The following MYO1D variants were observed in gnomAD, a reference collection of about 807,000 sequenced individuals.
The protein encoded by MYO1D is myosin ID.
MYO1D carries 83 observed loss-of-function variants against 122.0 expected under a neutral mutation model. That is an observed-to-expected ratio of 0.68 (90% CI 0.57 to 0.82). MYO1D has a LOEUF of 0.82. Ranked by LOEUF, MYO1D falls within the 40% of genes least tolerant of loss-of-function variation. The pLI, the probability that MYO1D is intolerant of heterozygous loss-of-function variation, is 0.00. For synonymous variants in MYO1D, 464 were observed against 446.9 expected (o/e 1.04, Z -0.48); for missense variants, 1,157 against 1,269.5 (o/e 0.91, Z 1.35).
intron 21 of MYO1D, among the ~76,000 whole-genome samples, chr17:32,555,341 T>C (rs976840967): frequency 1.3e-5 from 2 of 152,078 alleles, no homozygotes; most frequent in Non-Finnish European, 2.9e-5. Context: ...GAAATCACAA[T>C]TATAAGATAG....
chr17:32,573,468 C>T (rs2087249350), intron 21 of MYO1D, among the ~76,000 whole-genome samples: 1 of 151,968 alleles, frequency 6.6e-6, no homozygotes, highest in South Asian at 2.1e-4. Flanking sequence ...AATATATCCT[C>T]AGGAAACTTC....
rs113153925 is a variant in MYO1D, at chr17:32,548,429, G to GAAA, written c.2865-53517_2865-53515dup. ...GGTGACAGAGCGAGACCTGTCTCAA[G>GAAA]AAAAAAAAAAAAAAGTTTATCCTCT... On this transcript the variant is annotated intron_variant, in intron 21 of 21. Transcript: ENST00000318217. Among the ~76,000 whole-genome samples, 428 of 132,276 alleles carry GAAA rather than the reference G, an allele frequency of 3.2e-3. 3 individuals are homozygous for GAAA. The highest frequency in any genetic ancestry group is 9.5e-3 in the African/African-American group (344 of 36,244). The allele number at this position is 132,276 out of a possible 152,430, so 86.8% of individuals were successfully genotyped here.
chr17:32,704,079 C>A (rs1184180582), intron 16 of MYO1D, among the ~76,000 whole-genome samples: 1 of 152,206 alleles, frequency 6.6e-6, no homozygotes, highest in African/African-American at 2.4e-5. Context: ...TTACTGATTT[C>A]TTAGCACCTC....
intron 21 of MYO1D, among the ~76,000 whole-genome samples, chr17:32,536,206 T>C (rs371975761): frequency 3.5e-4 from 53 of 152,164 alleles, no homozygotes; most frequent in African/African-American, 1.3e-3. Context: ...GGCTAATCTT[T>C]GTATTTTTAG....
chr17:32,863,819 T>A (rs1013854878), intron 1 of MYO1D, among the ~76,000 whole-genome samples: 2 of 152,148 alleles, frequency 1.3e-5, no homozygotes, highest in Non-Finnish European at 2.9e-5. Context: ...AATCTTGTAG[T>A]GCAGAAATCA....
At position 32,731,155 on chromosome 17, in the gene MYO1D, C is replaced by T. The variant is rs147469352; in HGVS notation, c.1746+7098G>A. Among the ~76,000 whole-genome samples the T allele has an allele frequency of 2.8e-3, 430 of 152,296 alleles. 2 individuals carry two copies. The highest frequency in any genetic ancestry group is 1.0e-2 in the African/African-American group (415 of 41,564). ...ATCTCCTGACCTTGTGATCTGCTCG[C>T]CTCGGCCTCCCAAAGTGCTGGGATT... On this transcript the variant is annotated intron_variant, in intron 14 of 21. Coordinates refer to ENST00000318217, the MANE Select transcript of MYO1D (RefSeq NM_015194.3).
At chr17:32,663,861 A>G (rs778229672) in intron 16 of MYO1D, among the ~76,000 whole-genome samples, 4 of 152,188 alleles carry the variant, frequency 2.6e-5, no homozygotes, top group Non-Finnish European at 4.4e-5. Context: ...CTTCTCTTTG[A>G]AGAACATATC....
intron 20 of MYO1D, among the ~76,000 whole-genome samples, chr17:32,612,004 T>C (rs2087708199): frequency 6.6e-6 from 1 of 152,096 alleles, no homozygotes; most frequent in Non-Finnish European, 1.5e-5. Context: ...AAAAAGAGAA[T>C]AAATAAAACT....
At chr17:32,846,748 G>C (rs1055262771) in intron 1 of MYO1D, among the ~76,000 whole-genome samples, 1 of 152,188 alleles carries the variant, frequency 6.6e-6, no homozygotes, top group African/African-American at 2.4e-5. Flanking sequence ...GGGAAGCCGA[G>C]GCAGGAAGAC....
intron 21 of MYO1D, among the ~76,000 whole-genome samples, chr17:32,531,697 G>A (rs1475676042): frequency 6.6e-6 from 1 of 152,076 alleles, no homozygotes; most frequent in African/African-American, 2.4e-5. Flanking sequence ...AACAAAAATG[G>A]CCATGTGCAT....
intron 8 of MYO1D, among the ~76,000 whole-genome samples, chr17:32,764,456 G>C (rs763360599): frequency 2.6e-5 from 4 of 152,184 alleles, no homozygotes; most frequent in Non-Finnish European, 5.9e-5. Context: ...AGTAGGTGAG[G>C]TAAGAGGTAT....
intron 21 of MYO1D, among the ~76,000 whole-genome samples, chr17:32,596,813 C>T (rs757557530): frequency 2.0e-5 from 3 of 152,220 alleles, no homozygotes; most frequent in Admixed American, 6.5e-5. Flanking sequence ...CCTTTGACAG[C>T]TTAATACTGC....
chr17:32,639,458 A>G (rs2088160960), intron 19 of MYO1D, among the ~76,000 whole-genome samples: 1 of 151,530 alleles, frequency 6.6e-6, no homozygotes, highest in Non-Finnish European at 1.5e-5. Flanking sequence ...TCACATGTTC[A>G]GGTAAATCTT....
In MYO1D at chr17:32,876,887, G is replaced by T. The variant is rs757215130; in HGVS notation, c.-15C>A. On this transcript the variant is annotated 5_prime_UTR_variant, in exon 1 of 22. Transcript: ENST00000318217. ...TGCTCCGCCATGGCGCCAGCGCGGGGGCTCAGGTGGGCGCGCTCGGGCCTC... is the reference window on the plus strand; with the variant it reads ...TGCTCCGCCATGGCGCCAGCGCGGGTGCTCAGGTGGGCGCGCTCGGGCCTC... The T allele has an allele frequency of 9.6e-6, 14 of 1,458,344 alleles. No homozygotes were observed. In the South Asian group the frequency reaches 1.9e-4, roughly 19 times the overall value. 90.3% of individuals were successfully genotyped at this position (1,458,344 alleles called of 1,614,324 possible).
intron 21 of MYO1D, among the ~76,000 whole-genome samples, chr17:32,533,419 C>T (rs1910570890): frequency 6.6e-6 from 1 of 152,186 alleles, no homozygotes. Flanking sequence ...ACCTTCTCTT[C>T]TTTCCTCCCT....
chr17:32,876,917 G>GCCGCTCCGTGGGC lies in MYO1D; in HGVS notation c.-58_-46dup. 1 of 1,283,206 alleles carries GCCGCTCCGTGGGC rather than the reference G, an allele frequency of 7.8e-7. No homozygotes were observed. Among genetic ancestry groups the GCCGCTCCGTGGGC allele is most frequent in the Non-Finnish European group, 1.0e-6 (1 of 965,814 alleles). 79.5% of individuals were successfully genotyped at this position (1,283,206 alleles called of 1,614,324 possible). On this transcript the variant is annotated 5_prime_UTR_variant, in exon 1 of 22. Transcript: ENST00000318217. ...AGGTGGGCGCGCTCGGGCCTCCGGGGCCGCTCCGTGGGCCCGCGATGAGCT... is the reference window on the plus strand; with the variant it reads ...AGGTGGGCGCGCTCGGGCCTCCGGGGCCGCTCCGTGGGCCCGCTCCGTGGGCCCGCGATGAGCT...
intron 21 of MYO1D, among the ~76,000 whole-genome samples, chr17:32,600,499 G>A (rs1485341962): frequency 6.6e-6 from 1 of 152,204 alleles, no homozygotes; most frequent in Non-Finnish European, 1.5e-5. Flanking sequence ...ATCTTAGCTA[G>A]ATCTTCTGAA....
intron 21 of MYO1D, among the ~76,000 whole-genome samples, chr17:32,508,484 C>CAGTTCA (rs1381942358): frequency 6.6e-6 from 1 of 151,980 alleles, no homozygotes; most frequent in Non-Finnish European, 1.5e-5. Context: ...GTATGTTGGC[C>CAGTTCA]AGGCTGCTCT....
intron 16 of MYO1D, among the ~76,000 whole-genome samples, chr17:32,677,626 CACAG>C (rs1399911574): frequency 7.3e-6 from 1 of 136,570 alleles, no homozygotes; most frequent in Non-Finnish European, 1.6e-5. Flanking sequence ...TATATATGCA[CACAG>C]ACATATAAAT....
Sources: gnomAD v4.1 joint callset for allele counts (sites outside exome capture counted in the v4.1 genomes callset) on GRCh38, gnomAD v4.1.1 for gene constraint, MANE v1.5 for transcripts, NCBI Gene and HGNC (gene_info 2026-07-23, HGNC 2026-07-21) for gene names.